Variants in SLC24A2 observed in about 807,000 individuals in gnomAD.
SLC24A2 encodes sodium/potassium/calcium exchanger 2.
In SLC24A2, 36 loss-of-function variants were observed where a neutral mutation model predicts 62.0. The ratio of observed to expected loss-of-function variants is 0.58; its 90% CI spans 0.44 to 0.77. The LOEUF (loss-of-function observed/expected upper bound fraction) is 0.77. Ranked by LOEUF, SLC24A2 falls within the 30% of genes least tolerant of loss-of-function variation. The pLI is 0.00. For missense variants in SLC24A2, 846 were observed against 817.9 expected (o/e 1.03, Z -0.42); for synonymous variants, 358 against 294.0 (o/e 1.22, Z -2.23).
the SLC24A2 span, among the ~76,000 whole-genome samples, chr9:19,920,046 C>T: frequency 2.3e-4 from 35 of 152,126 alleles, no homozygotes; most frequent in Middle Eastern, 3.4e-3. Context: ...TTTCAATATC[C>T]TATTTATTTG....
At chr9:19,824,093 A>G in the SLC24A2 span, among the ~76,000 whole-genome samples, 1 of 152,202 alleles carries the variant, frequency 6.6e-6, no homozygotes, top group Admixed American at 6.5e-5. Flanking sequence ...AGACAGTAAT[A>G]TTCAGGACAT....
chr9:20,229,893 C>G, the SLC24A2 span, among the ~76,000 whole-genome samples: 2 of 148,546 alleles, frequency 1.3e-5, no homozygotes, highest in Admixed American at 1.3e-4. Context: ...CTCCCCCAAC[C>G]CCACAACAGT....
the SLC24A2 span, among the ~76,000 whole-genome samples, chr9:20,123,634 C>T: frequency 6.6e-6 from 1 of 152,108 alleles, no homozygotes; most frequent in African/African-American, 2.4e-5. Flanking sequence ...TAACGTCTGC[C>T]TCATAGGATT....
intron 2 of SLC24A2, among the ~76,000 whole-genome samples, chr9:19,682,845 G>C (rs1352933563): frequency 6.6e-6 from 1 of 151,924 alleles, no homozygotes; most frequent in Non-Finnish European, 1.5e-5. Flanking sequence ...AGGGCCAAAG[G>C]GAAACCCCAG....
At chr9:19,552,447 C>G (rs1287537721) in intron 7 of SLC24A2, among the ~76,000 whole-genome samples, 1 of 152,152 alleles carries the variant, frequency 6.6e-6, no homozygotes, top group African/African-American at 2.4e-5. Context: ...GGCAGATGCC[C>G]CAGAAATAGG....
intron 7 of SLC24A2, among the ~76,000 whole-genome samples, chr9:19,570,837 T>C (rs755297938): frequency 6.6e-6 from 1 of 152,312 alleles, no homozygotes; most frequent in Non-Finnish European, 1.5e-5. Context: ...CAGTGGGCCA[T>C]GGTGACCTGC....
chr9:20,003,765 C>T, the SLC24A2 span, among the ~76,000 whole-genome samples: 5 of 151,812 alleles, frequency 3.3e-5, no homozygotes, highest in South Asian at 1.0e-3. Flanking sequence ...AGCTGTATTC[C>T]AATAAAACTT....
Position 19,549,362 on chromosome 9 carries a change from G to C in SLC24A2, c.1479+775C>G, listed in dbSNP as rs139445689. 1.8e-4 allele frequency among the ~76,000 whole-genome samples: 27 copies of C among 152,256 alleles called. 1 individual carries two copies. The highest frequency in any genetic ancestry group is 6.0e-4 in the African/African-American group (25 of 41,536). On this transcript the variant is annotated intron_variant, in intron 8 of 10. Coordinates refer to ENST00000341998, the MANE Select transcript of SLC24A2 (RefSeq NM_020344.4). ...GCTATATGACACTGACGTATTCTAG[G>C]TAAACTTTTTGTTTCCTCCCCCTTT...
chr9:20,199,714 TTTTC>T, the SLC24A2 span, among the ~76,000 whole-genome samples: 2 of 151,564 alleles, frequency 1.3e-5, no homozygotes, highest in Admixed American at 6.6e-5. Context: ...TTTCTTTCTT[TTTTC>T]TTTCTTTTTT....
chr9:20,204,895 C>A, the SLC24A2 span, among the ~76,000 whole-genome samples: 3 of 151,960 alleles, frequency 2.0e-5, no homozygotes, highest in Non-Finnish European at 4.4e-5. Flanking sequence ...AGGCGCGCAC[C>A]ACCACACTCG....
the SLC24A2 span, among the ~76,000 whole-genome samples, chr9:20,304,572 G>T: frequency 2.7e-4 from 41 of 152,184 alleles, no homozygotes; most frequent in African/African-American, 9.4e-4. Flanking sequence ...CAAAGTTAAA[G>T]GTATAAAAAT....
At chr9:19,992,399 T>C in the SLC24A2 span, among the ~76,000 whole-genome samples, 2 of 152,338 alleles carry the variant, frequency 1.3e-5, no homozygotes, top group Admixed American at 1.3e-4. Context: ...CTAAAACTGA[T>C]GGCTATGCAT....
chr9:19,770,068 T>C (rs893142774), intron 2 of SLC24A2, among the ~76,000 whole-genome samples: 2 of 151,118 alleles, frequency 1.3e-5, no homozygotes, highest in African/African-American at 4.9e-5. Context: ...CAGTCTATAT[T>C]GTCCCATGTA....
chr9:19,960,723 T>C, the SLC24A2 span, among the ~76,000 whole-genome samples: 3 of 152,162 alleles, frequency 2.0e-5, no homozygotes, highest in Non-Finnish European at 4.4e-5. Flanking sequence ...TGTCACAAAC[T>C]AGCTGTGTGA....
the SLC24A2 span, among the ~76,000 whole-genome samples, chr9:20,049,542 T>A: frequency 6.6e-6 from 1 of 152,146 alleles, no homozygotes; most frequent in Non-Finnish European, 1.5e-5. Flanking sequence ...CACACACAAC[T>A]AATCACTCAC....
chr9:19,825,513 G>T, the SLC24A2 span, among the ~76,000 whole-genome samples: 1 of 152,096 alleles, frequency 6.6e-6, no homozygotes, highest in South Asian at 2.1e-4. Context: ...ATTCAATATG[G>T]GATATAGGGT....
At chr9:20,230,309 A>G in the SLC24A2 span, among the ~76,000 whole-genome samples, 19 of 152,174 alleles carry the variant, frequency 1.2e-4, no homozygotes, top group Non-Finnish European at 7.3e-5. Flanking sequence ...GAATCGTCAC[A>G]CTGATTTCCA....
At chr9:19,966,278 C>G in the SLC24A2 span, among the ~76,000 whole-genome samples, 1 of 152,168 alleles carries the variant, frequency 6.6e-6, no homozygotes, top group Non-Finnish European at 1.5e-5. Context: ...TTCCCTTCCA[C>G]TGGCATGAAT....
the SLC24A2 span, among the ~76,000 whole-genome samples, chr9:19,814,438 T>A: frequency 6.6e-6 from 1 of 152,152 alleles, no homozygotes; most frequent in African/African-American, 2.4e-5. Flanking sequence ...AATAATAACT[T>A]GGTTAACATT....
Sources: gnomAD v4.1 joint callset for allele counts (sites outside exome capture counted in the v4.1 genomes callset) on GRCh38, gnomAD v4.1.1 for gene constraint, MANE v1.5 for transcripts, NCBI Gene and HGNC (gene_info 2026-07-23, HGNC 2026-07-21) for gene names.